SEMA6D: variants seen among roughly 807,000 people sequenced by gnomAD.
SEMA6D encodes the protein semaphorin 6D.
SEMA6D carries 35 observed loss-of-function variants against 106.6 expected under a neutral mutation model. That is an observed-to-expected ratio of 0.33 (90% CI 0.25 to 0.44). The LOEUF is 0.44. SEMA6D is among the 20% of genes least tolerant of loss of function. The pLI, the probability that SEMA6D is intolerant of heterozygous loss-of-function variation, is 1.00. For synonymous variants in SEMA6D, 499 were observed against 487.7 expected, an observed-to-expected ratio of 1.02 and a Z score of -0.31; for missense variants, 1,185 against 1,345.9, an observed-to-expected ratio of 0.88 and a Z score of 1.87.
At chr15:47,540,809 G>C (rs967315387) in intron 3 of SEMA6D, among the ~76,000 whole-genome samples, 1 of 152,150 alleles carries the variant, frequency 6.6e-6, no homozygotes, top group African/African-American at 2.4e-5. Flanking sequence ...GAACTGAAAG[G>C]AAAAATAGAG....
intron 3 of SEMA6D, among the ~76,000 whole-genome samples, chr15:47,527,194 A>G (rs1357454699): frequency 6.6e-6 from 1 of 152,240 alleles, no homozygotes; most frequent in East Asian, 1.9e-4. Flanking sequence ...AACAGACAAA[A>G]TGATCCACTC....
chr15:47,218,244 A>G (rs186729562), intron 1 of SEMA6D, among the ~76,000 whole-genome samples: 2 of 152,310 alleles, frequency 1.3e-5, no homozygotes, highest in East Asian at 3.9e-4. Context: ...AGAATGCACC[A>G]TAGCTGTTGG....
chr15:47,446,786 G>A (rs1195175124), intron 2 of SEMA6D, among the ~76,000 whole-genome samples: 1 of 152,126 alleles, frequency 6.6e-6, no homozygotes, highest in African/African-American at 2.4e-5. Context: ...AATTTTAACA[G>A]TGTTTCATGA....
At chr15:47,769,725 G>A (rs2082531008) in intron 18 of SEMA6D, among the ~76,000 whole-genome samples, 2 of 151,678 alleles carry the variant, frequency 1.3e-5, no homozygotes, top group South Asian at 4.2e-4. Flanking sequence ...AGATGTCTGT[G>A]GTTGCATTAA....
chr15:47,511,160 C>CT (rs1596198100), intron 3 of SEMA6D, among the ~76,000 whole-genome samples: 1 of 152,106 alleles, frequency 6.6e-6, no homozygotes, highest in Non-Finnish European at 1.5e-5. Flanking sequence ...AAGTGTTCAT[C>CT]TTTTTTCAGA....
At position 47,764,018 on chromosome 15, in the gene SEMA6D, A is replaced by C; in HGVS notation, c.916A>C (p.Ile306Leu). ...VLQSITDIIQ[I>L]NGIPTVVGVF... Reference sequence around the variant, plus strand: ...GCAGTCTATTACAGACATAATACAAATCAATGGCATCCCCACTGTGGTCGG... The same window carrying C: ...GCAGTCTATTACAGACATAATACAACTCAATGGCATCCCCACTGTGGTCGG... Residue 306 changes from isoleucine (I) to leucine (L), a missense_variant, in exon 10 of 19, where the codon ATC becomes CTC. Ile to Leu is a conservative substitution (Grantham distance 5, BLOSUM62 2). Around this residue, in one of 3 missense-constraint regions of SEMA6D, gnomAD observed 291 missense variants for 423.8 expected, o/e 0.69. Coordinates refer to ENST00000536845, the MANE Select transcript of SEMA6D (RefSeq NM_001358351.3). 3.7e-6 allele frequency: 6 copies of C among 1,613,936 alleles called. No individual in the cohort carries two copies. The highest frequency in any genetic ancestry group is 5.1e-6 in the Non-Finnish European group (6 of 1,179,878).
chr15:47,213,814 T>C (rs2030296332), intron 1 of SEMA6D, among the ~76,000 whole-genome samples: 1 of 152,146 alleles, frequency 6.6e-6, no homozygotes. Flanking sequence ...GCTGTGATCA[T>C]TTCTGAGGTG....
chr15:47,771,098 T>C lies in SEMA6D; in HGVS notation c.2535T>C (p.Asn845=). ...ACAACACGTCTTTCTCAAACTCCAA[T>C]GCTCACAAAGCTGAAAAGAAGCTTC... The part of the protein sequence containing the change: ...HDYNTSFSNS[N]AHKAEKKLQN... Residue 845 remains asparagine (N), a synonymous_variant, in exon 19 of 19, where the codon AAT becomes AAC. Transcript: ENST00000536845. The C allele has an allele frequency of 6.2e-7, 1 of 1,614,128 alleles. No homozygotes were observed. The highest frequency in any genetic ancestry group is 8.5e-7 in the Non-Finnish European group (1 of 1,180,008).
chr15:47,465,993 ATG>A (rs869254444), intron 2 of SEMA6D, among the ~76,000 whole-genome samples: 1 of 152,146 alleles, frequency 6.6e-6, no homozygotes, highest in Non-Finnish European at 1.5e-5. Flanking sequence ...AAAGAAAATA[ATG>A]TGTTTTTATT....
At chr15:47,648,752 G>A (rs116091816) in intron 4 of SEMA6D, among the ~76,000 whole-genome samples, 236 of 152,184 alleles carry the variant, frequency 1.6e-3, no homozygotes, top group African/African-American at 5.5e-3. Context: ...TTAAATGTGT[G>A]TATAGCTCAC....
At chr15:47,541,065 T>C (rs935660756) in intron 3 of SEMA6D, among the ~76,000 whole-genome samples, 2 of 152,176 alleles carry the variant, frequency 1.3e-5, no homozygotes, top group Admixed American at 6.6e-5. Flanking sequence ...AAATTTATGA[T>C]GGGCACAATA....
chr15:47,395,891 T>C (rs920876207), intron 1 of SEMA6D, among the ~76,000 whole-genome samples: 5 of 152,200 alleles, frequency 3.3e-5, no homozygotes, highest in Non-Finnish European at 7.3e-5. Flanking sequence ...AGATTGCATG[T>C]TTGCATCCCT....
chr15:47,306,064 C>T (rs952486273), intron 1 of SEMA6D, among the ~76,000 whole-genome samples: 3 of 152,042 alleles, frequency 2.0e-5, no homozygotes, highest in African/African-American at 7.2e-5. Flanking sequence ...TCACTGCAAT[C>T]TCTGCCTCCT....
At chr15:47,317,925 A>G (rs2036746263) in intron 1 of SEMA6D, among the ~76,000 whole-genome samples, 1 of 142,138 alleles carries the variant, frequency 7.0e-6, no homozygotes, top group Non-Finnish European at 1.6e-5. Context: ...TCTCATCCTT[A>G]TTTTTGTCAC....
chr15:47,262,857 C>A (rs775670382), intron 1 of SEMA6D, among the ~76,000 whole-genome samples: 1 of 152,014 alleles, frequency 6.6e-6, no homozygotes. Flanking sequence ...GACACATAGA[C>A]AAATGGAAGA....
intron 1 of SEMA6D, among the ~76,000 whole-genome samples, chr15:47,722,746 A>G (rs946446356): frequency 6.6e-6 from 1 of 152,214 alleles, no homozygotes; most frequent in Non-Finnish European, 1.5e-5. Flanking sequence ...GATGATGGTG[A>G]TGATGATGGA....
chr15:47,656,364 A>G (rs2077794705), intron 4 of SEMA6D, among the ~76,000 whole-genome samples: 1 of 152,228 alleles, frequency 6.6e-6, no homozygotes, highest in African/African-American at 2.4e-5. Context: ...GTGACTTTAT[A>G]GAACATAGCT....
At position 47,593,667 on chromosome 15, in the gene SEMA6D, A is replaced by G. The variant is rs1230149413; in HGVS notation, c.-86-7198A>G. Reference sequence around the variant, plus strand: ...ATAAAGAAATACCTGAGACTAGGTAATTTATAAAGAAAAGAGATTTAATTG... The same window carrying G: ...ATAAAGAAATACCTGAGACTAGGTAGTTTATAAAGAAAAGAGATTTAATTG... On this transcript the variant is annotated intron_variant, in intron 3 of 19. Transcript: ENST00000558014. 2.0e-5 allele frequency among the ~76,000 whole-genome samples: 3 copies of G among 152,126 alleles called. No homozygotes were observed. The East Asian group carries it at 5.8e-4, about 29-fold the overall frequency.
chr15:47,490,579 A>G (rs1285940887), intron 3 of SEMA6D, among the ~76,000 whole-genome samples: 2 of 152,210 alleles, frequency 1.3e-5, no homozygotes, highest in Non-Finnish European at 2.9e-5. Flanking sequence ...CAGGAGGTGG[A>G]GGTTGCAGTG....
Sources: gnomAD v4.1 joint callset for allele counts (sites outside exome capture counted in the v4.1 genomes callset) on GRCh38, gnomAD v4.1.1 for gene constraint, gnomAD v4.1.1 regional missense constraint, MANE v1.5 for transcripts, NCBI Gene and HGNC (gene_info 2026-07-23, HGNC 2026-07-21) for gene names.